CSMD1: variants seen among roughly 807,000 people sequenced by gnomAD.
CSMD1 encodes the protein CUB and Sushi multiple domains 1.
A neutral mutation model predicts 417.5 loss-of-function variants in CSMD1; 213 were observed. The observed-to-expected ratio is 0.51, with a 90% confidence interval of 0.46 to 0.57. The LOEUF (loss-of-function observed/expected upper bound fraction) is 0.57, where lower values mean the gene tolerates loss of function less well. Among genes scored for constraint, CSMD1 ranks in the 20% least tolerant of loss-of-function variants. The pLI is 0.00. For synonymous variants in CSMD1, 2,862 were observed against 1,736.8 expected (o/e 1.65, Z -16.11); for missense variants, 6,923 against 4,529.7 (o/e 1.53, Z -15.17).
At chr8:4,385,611 T>C (rs918796830) in intron 3 of CSMD1, among the ~76,000 whole-genome samples, 5 of 152,220 alleles carry the variant, frequency 3.3e-5, no homozygotes, top group Admixed American at 6.5e-5. Context: ...GCTGATTTAA[T>C]GTATTTATGA....
intron 3 of CSMD1, among the ~76,000 whole-genome samples, chr8:4,395,585 G>A (rs1804147580): frequency 6.6e-6 from 1 of 151,838 alleles, no homozygotes; most frequent in African/African-American, 2.4e-5. Flanking sequence ...CCAAGAGGAG[G>A]ATAGATTTCA....
chr8:4,007,343 T>A (rs1816205248), intron 4 of CSMD1, among the ~76,000 whole-genome samples: 1 of 152,168 alleles, frequency 6.6e-6, no homozygotes, highest in African/African-American at 2.4e-5. Context: ...TGGCTCCCAT[T>A]TCCTCTTTTC....
At chr8:3,309,975 T>C (rs1216690726) in intron 23 of CSMD1, among the ~76,000 whole-genome samples, 2 of 152,198 alleles carry the variant, frequency 1.3e-5, no homozygotes, top group African/African-American at 4.8e-5. Context: ...CATGACATTA[T>C]TATTTTTACG....
At chr8:3,627,503 C>A (rs993220583) in intron 7 of CSMD1, among the ~76,000 whole-genome samples, 15 of 152,082 alleles carry the variant, frequency 9.9e-5, no homozygotes, top group African/African-American at 3.6e-4. Context: ...TATAACCTCA[C>A]CTGAATATAT....
rs1262930591 is a variant in CSMD1, at chr8:3,575,176, A to AAAAT, written c.1223-111_1223-110insATTT. ...AGCTATTATCTAATCACAGTAAAAA[A>AAAAT]AAAAAAAAAAATGGTGCATGGACTC... On this transcript the variant is annotated intron_variant, in intron 9 of 69. Transcript: ENST00000635120. The AAAAT allele has an allele frequency of 2.7e-6, 3 of 1,123,980 alleles. No homozygotes were observed. The East Asian group carries it at 8.1e-5, about 30-fold the overall frequency. The allele number at this position is 1,123,980 out of a possible 1,614,324, so 69.6% of individuals were successfully genotyped here. A position where few individuals can be genotyped will look rare whatever the true frequency, so the allele number is the denominator to read the frequency against.
chr8:3,676,238 C>T (rs1006494268), intron 7 of CSMD1, among the ~76,000 whole-genome samples: 1 of 152,144 alleles, frequency 6.6e-6, no homozygotes, highest in Non-Finnish European at 1.5e-5. Flanking sequence ...ACCTTGGGGT[C>T]AGACATGTAC....
chr8:3,154,776 G>T (rs920060151), intron 39 of CSMD1, among the ~76,000 whole-genome samples: 1 of 152,126 alleles, frequency 6.6e-6, no homozygotes, highest in African/African-American at 2.4e-5. Flanking sequence ...AACCTCTAGA[G>T]AAGTGGTTTT....
intron 7 of CSMD1, among the ~76,000 whole-genome samples, chr8:3,693,926 T>A (rs1800395740): frequency 6.6e-6 from 1 of 151,452 alleles, no homozygotes; most frequent in African/African-American, 2.4e-5. Flanking sequence ...TGTGTGTTTG[T>A]TATGGTGTGT....
intron 3 of CSMD1, among the ~76,000 whole-genome samples, chr8:4,327,579 T>G (rs538237189): frequency 6.6e-6 from 1 of 152,004 alleles, no homozygotes; most frequent in Admixed American, 6.6e-5. Flanking sequence ...TCACTGTCAC[T>G]CATACTACAA....
Position 3,848,877 on chromosome 8 carries a change from C to T in CSMD1, c.819-94835G>A, listed in dbSNP as rs73658302. ...ACACATTTTTTTCAGTCCAGAAATG[C>T]TAAAGAGTGATATAAAGAAGATACA... On this transcript the variant is annotated intron_variant, in intron 5 of 69. Coordinates refer to ENST00000635120, the MANE Select transcript of CSMD1 (RefSeq NM_033225.6). Among the ~76,000 whole-genome samples the T allele has an allele frequency of 5.2e-3, 782 of 151,102 alleles. 7 individuals carry two copies. The highest frequency in any genetic ancestry group is 0.017 in the African/African-American group (716 of 41,080).
At chr8:4,786,435 C>G (rs1036786602) in intron 1 of CSMD1, among the ~76,000 whole-genome samples, 3 of 152,216 alleles carry the variant, frequency 2.0e-5, no homozygotes, top group African/African-American at 7.2e-5. Flanking sequence ...GCATCTCCAG[C>G]ATTCATCATG....
At position 4,280,875 on chromosome 8, in the gene CSMD1, G is replaced by C. The variant is rs145962501; in HGVS notation, c.415+139078C>G. ...TACTTCCTGTAAACATACAGCATTA[G>C]AAATACTTTTTTGGTAATTAGTTGT... is the stretch of plus-strand genomic sequence containing the variant. On this transcript the variant is annotated intron_variant, in intron 3 of 69. Transcript: ENST00000635120. Among the ~76,000 whole-genome samples, 36 of 152,272 alleles carry C rather than the reference G, an allele frequency of 2.4e-4. 1 individual carries two copies. The East Asian group carries it at 6.7e-3, about 29-fold the overall frequency.
chr8:4,120,859 A>G (rs1344431632), intron 3 of CSMD1, among the ~76,000 whole-genome samples: 1 of 152,162 alleles, frequency 6.6e-6, no homozygotes, highest in South Asian at 2.1e-4. Flanking sequence ...AAAATTACAG[A>G]AACAAATTTT....
intron 2 of CSMD1, among the ~76,000 whole-genome samples, chr8:4,453,296 C>G (rs1253933147): frequency 6.6e-6 from 1 of 152,078 alleles, no homozygotes; most frequent in East Asian, 1.9e-4. Flanking sequence ...TACACTCCCA[C>G]TGGCAATCAA....
chr8:4,443,702 A>G (rs140260974), intron 2 of CSMD1, among the ~76,000 whole-genome samples: 11 of 152,340 alleles, frequency 7.2e-5, no homozygotes, highest in African/African-American at 2.6e-4. Context: ...TCCCAACAAA[A>G]TTCTAGCAGC....
intron 1 of CSMD1, among the ~76,000 whole-genome samples, chr8:4,678,679 A>T (rs1455797017): frequency 1.3e-5 from 2 of 152,200 alleles, no homozygotes; most frequent in African/African-American, 4.8e-5. Context: ...TTTCAACAGA[A>T]GGCATCCAAA....
intron 1 of CSMD1, among the ~76,000 whole-genome samples, chr8:4,655,257 A>T (rs1159142257): frequency 6.6e-6 from 1 of 151,616 alleles, no homozygotes; most frequent in Non-Finnish European, 1.5e-5. Flanking sequence ...ATTGAATAGA[A>T]CCCTCCCCCT....
At chr8:3,012,202 G>C (rs946791941) in intron 52 of CSMD1, among the ~76,000 whole-genome samples, 1 of 152,178 alleles carries the variant, frequency 6.6e-6, no homozygotes, top group African/African-American at 2.4e-5. Flanking sequence ...ATATTTACAT[G>C]CACACTCCAA....
intron 26 of CSMD1, among the ~76,000 whole-genome samples, chr8:3,267,216 G>A (rs939088027): frequency 1.3e-5 from 2 of 152,138 alleles, no homozygotes; most frequent in Admixed American, 1.3e-4. Flanking sequence ...ACAGGAGTGA[G>A]AAACAGTGGC....
Sources: allele counts gnomAD v4.1 joint callset (sites outside exome capture counted in the v4.1 genomes callset), GRCh38; gene constraint gnomAD v4.1.1; transcripts MANE v1.5; gene names NCBI Gene and HGNC (gene_info 2026-07-23, HGNC 2026-07-21).